Variants in DPP6 observed in about 807,000 individuals in gnomAD.
DPP6 encodes the protein A-type potassium channel modulatory protein DPP6.
DPP6 carries 69 observed loss-of-function variants against 122.6 expected under a neutral mutation model. The ratio of observed to expected loss-of-function variants is 0.56; its 90% CI spans 0.46 to 0.69. The LOEUF (loss-of-function observed/expected upper bound fraction) is 0.69, where lower values mean the gene tolerates loss of function less well. Among genes scored for constraint, DPP6 ranks in the 30% least tolerant of loss-of-function variants. The pLI, the probability that DPP6 is intolerant of heterozygous loss-of-function variation, is 0.00. For synonymous variants in DPP6, 418 were observed against 433.1 expected, an observed-to-expected ratio of 0.97 and a Z score of 0.43; for missense variants, 928 against 1,116.9, an observed-to-expected ratio of 0.83 and a Z score of 2.41.
chr7:154,283,056 C>A (rs1804629434), intron 1 of DPP6, among the ~76,000 whole-genome samples: 1 of 152,174 alleles, frequency 6.6e-6, no homozygotes, highest in Non-Finnish European at 1.5e-5. Flanking sequence ...GTTCCTACCC[C>A]ACTGTGAAGC....
the DPP6 span, among the ~76,000 whole-genome samples, chr7:153,773,184 A>T: frequency 4.7e-5 from 7 of 148,726 alleles, no homozygotes; most frequent in East Asian, 1.9e-4. Flanking sequence ...CCAAAAATTT[A>T]AAAAACCCAC....
chr7:154,202,826 C>T (rs1227376755), intron 1 of DPP6, among the ~76,000 whole-genome samples: 1 of 152,214 alleles, frequency 6.6e-6, no homozygotes, highest in African/African-American at 2.4e-5. Context: ...GGCATTTTGT[C>T]TGAGTCCCCA....
At chr7:154,884,718 CAT>C (rs1313632652) in intron 21 of DPP6, 2 of 142,694 alleles carry the variant, frequency 1.4e-5, no homozygotes, top group Admixed American at 1.4e-4. Flanking sequence ...CATGATCACA[CAT>C]ACACAGGCTT....
At position 154,834,194 on chromosome 7, in the gene DPP6, G is replaced by A. The variant is rs186585587; in HGVS notation, c.1667-19586G>A. 1.3e-4 allele frequency among the ~76,000 whole-genome samples: 20 copies of A among 152,098 alleles called. No homozygotes were observed. The East Asian group carries it at 2.9e-3, about 22-fold the overall frequency. ...TATTAACAACAGCTCCCAGCCGGGTGCAGTGGCTCACTCCTGTAATCCCAG... is the reference window on the plus strand; with the variant it reads ...TATTAACAACAGCTCCCAGCCGGGTACAGTGGCTCACTCCTGTAATCCCAG... On this transcript the variant is annotated intron_variant, in intron 16 of 25. Transcript: ENST00000377770.
intron 1 of DPP6, among the ~76,000 whole-genome samples, chr7:154,063,154 C>T (rs542976977): frequency 7.9e-6 from 1 of 127,012 alleles, no homozygotes; most frequent in Non-Finnish European, 1.7e-5. Context: ...GGACTGAGAG[C>T]TATCCCCTTT....
the DPP6 span, among the ~76,000 whole-genome samples, chr7:153,756,161 C>G: frequency 0.03 from 4,489 of 151,942 alleles, 129 homozygotes; most frequent in South Asian, 0.13. Flanking sequence ...GATCCCTACA[C>G]CTCCCTGTTC....
At chr7:153,829,150 A>T in the DPP6 span, among the ~76,000 whole-genome samples, 4 of 152,216 alleles carry the variant, frequency 2.6e-5, no homozygotes, top group Non-Finnish European at 5.9e-5. Flanking sequence ...GCAAATTATT[A>T]TAAAACACTC....
chr7:154,022,583 T>TC (rs577023782), intron 1 of DPP6, among the ~76,000 whole-genome samples: 1 of 152,094 alleles, frequency 6.6e-6, no homozygotes, highest in African/African-American at 2.4e-5. Flanking sequence ...CCATGGATGC[T>TC]CCCCCCTGAA....
chr7:154,843,171 G>A (rs1029810302), intron 16 of DPP6, among the ~76,000 whole-genome samples: 3 of 152,140 alleles, frequency 2.0e-5, no homozygotes, highest in East Asian at 1.9e-4. Context: ...GCGTGGTGGC[G>A]CATGCCTGGA....
At chr7:153,875,316 C>G in the DPP6 span, among the ~76,000 whole-genome samples, 1 of 151,862 alleles carries the variant, frequency 6.6e-6, no homozygotes, top group Non-Finnish European at 1.5e-5. Context: ...AAAACAAAAA[C>G]CTAGGAAATT....
chr7:154,432,088 G>A (rs972680366), intron 1 of DPP6, among the ~76,000 whole-genome samples: 7 of 152,104 alleles, frequency 4.6e-5, no homozygotes, highest in Non-Finnish European at 1.0e-4. Flanking sequence ...AGCAGTTTCC[G>A]GGTCCAAAAT....
intron 6 of DPP6, among the ~76,000 whole-genome samples, chr7:154,658,918 C>G (rs754914137): frequency 6.6e-6 from 1 of 152,082 alleles, no homozygotes; most frequent in Non-Finnish European, 1.5e-5. Context: ...GAGGTAGATT[C>G]GGCATAAAAC....
At chr7:154,739,070 A>G (rs1015572344) in intron 8 of DPP6, among the ~76,000 whole-genome samples, 5 of 152,136 alleles carry the variant, frequency 3.3e-5, no homozygotes, top group African/African-American at 1.2e-4. Flanking sequence ...ACACTAGTGG[A>G]AAGGGGAGTG....
intron 1 of DPP6, chr7:154,094,691 G>A (rs1805198996): frequency 1.3e-5 from 2 of 152,094 alleles, no homozygotes; most frequent in African/African-American, 2.4e-5. Context: ...GGTACCACTG[G>A]GACGTGTAGT....
intron 1 of DPP6, chr7:154,094,777 G>A (rs1805206648): frequency 6.6e-6 from 1 of 152,184 alleles, no homozygotes; most frequent in African/African-American, 2.4e-5. Flanking sequence ...TGCAGCTGGT[G>A]AGCCTATGCC....
rs531891082 is a variant in DPP6, at chr7:154,837,918, C to A, written c.1667-15862C>A. 1.9e-3 allele frequency among the ~76,000 whole-genome samples: 294 copies of A among 152,318 alleles called. 2 individuals are homozygous for A. Among genetic ancestry groups the A allele is most frequent in the African/African-American group, 6.5e-3 (270 of 41,572 alleles). ...TCTTTTTTCTCACTTCCTTTTCTATCATTTCCATTTCAAAGCAAAGAAAAT... is the reference window on the plus strand; with the variant it reads ...TCTTTTTTCTCACTTCCTTTTCTATAATTTCCATTTCAAAGCAAAGAAAAT... On this transcript the variant is annotated intron_variant, in intron 16 of 25. Transcript: ENST00000377770.
chr7:154,712,808 G>A (rs536407834), intron 7 of DPP6, among the ~76,000 whole-genome samples: 1 of 152,300 alleles, frequency 6.6e-6, no homozygotes, highest in Admixed American at 6.5e-5. Context: ...TGGGGACACA[G>A]CCAAACCATA....
chr7:154,859,555 C>T (rs190810704), intron 17 of DPP6, among the ~76,000 whole-genome samples: 1 of 152,250 alleles, frequency 6.6e-6, no homozygotes, highest in African/African-American at 2.4e-5. Flanking sequence ...TCCTCTCCCC[C>T]ACTGACCCCA....
chr7:154,040,680 A>T (rs1563123736), intron 1 of DPP6, among the ~76,000 whole-genome samples: 1 of 152,140 alleles, frequency 6.6e-6, no homozygotes, highest in Admixed American at 6.5e-5. Flanking sequence ...AATAAAAGCA[A>T]TATCATGTGT....
Sources: gnomAD v4.1 joint callset for allele counts (sites outside exome capture counted in the v4.1 genomes callset) on GRCh38, gnomAD v4.1.1 for gene constraint, MANE v1.5 for transcripts, NCBI Gene and HGNC (gene_info 2026-07-23, HGNC 2026-07-21) for gene names.